ODAM: variants seen among roughly 807,000 people sequenced by gnomAD.
The protein encoded by ODAM is odontogenic, ameloblast associated.
ODAM carries 55 observed loss-of-function variants against 48.5 expected under a neutral mutation model. The ratio of observed to expected loss-of-function variants is 1.13; its 90% CI spans 0.91 to 1.42. ODAM has a LOEUF of 1.42. Among genes scored for constraint, ODAM ranks in the 40% most tolerant of loss-of-function variants. The pLI is 0.00. For missense variants in ODAM, 353 were observed against 323.6 expected (o/e 1.09, Z -0.70); for synonymous variants, 127 against 107.8 (o/e 1.18, Z -1.10).
At chr4:70,197,237 T>C (rs1427930115) in intron 3 of ODAM, 37 bp from the exon 4 acceptor site, 2 of 924,942 alleles carry the variant, frequency 2.2e-6, no homozygotes, top group Admixed American at 3.5e-5. Context: ...TTTTAGTGTG[T>C]AGTAATCTTG....
chr4:70,199,634 T>C (rs1275697150), intron 6 of ODAM, among the ~76,000 whole-genome samples: 1 of 151,900 alleles, frequency 6.6e-6, no homozygotes, highest in Non-Finnish European at 1.5e-5. Context: ...TGTTTGAAAA[T>C]TACAGACGTC....
At chr4:70,200,770 T>C (rs1729478402) in intron 7 of ODAM, among the ~76,000 whole-genome samples, 169 bp downstream of exon 7, 1 of 151,998 alleles carries the variant, frequency 6.6e-6, no homozygotes. Context: ...ATAAATCATT[T>C]GTGTAAACTT....
At chr4:70,203,887 G>A (rs1578239994) in intron 11 of ODAM, among the ~76,000 whole-genome samples, 3 of 152,022 alleles carry the variant, frequency 2.0e-5, no homozygotes, top group South Asian at 2.1e-4. Context: ...TGAGCACGCA[G>A]CATTCTTCAG....
Position 70,198,077 on chromosome 4 carries a change from T to C in ODAM, c.295T>C (p.Phe99Leu), listed in dbSNP as rs767529071. ...GATACCCTTAACAGGAGAGGCCAGT[T>C]TTGCCCAAGGAGCCCAGGCAGGCCA... ...NQIPLTGEASFAQGAQAGQVD... is the reference protein window; with the variant it reads ...NQIPLTGEASLAQGAQAGQVD... The change falls in exon 5 of 12, where the codon TTT becomes CTT. Residue 99 changes from phenylalanine (F) to leucine (L), a missense_variant. Phe to Leu is a conservative substitution (Grantham distance 22, BLOSUM62 0). Transcript: ENST00000683306. 6.2e-6 allele frequency: 10 copies of C among 1,613,298 alleles called. No individual in the cohort carries two copies. The East Asian group carries it at 1.8e-4, about 29-fold the overall frequency.
rs1729474604 is a variant in ODAM, at chr4:70,200,591, A to G, written c.518A>G (p.Tyr173Cys). ...CCTCAACAAACAAGACAGCAACAGT[A>G]TGAGGAGCAGGTACTGCAAATGTTT... ...RSPQQTRQQQYEEQIPFYAQF... is the reference protein window; with the variant it reads ...RSPQQTRQQQCEEQIPFYAQF... The change falls in exon 7 of 12, where the codon TAT becomes TGT. Residue 173 changes from tyrosine to cysteine, a missense_variant. Transcript: ENST00000683306. The G allele has an allele frequency of 1.9e-6, 3 of 1,603,316 alleles. No individual in the cohort carries two copies. Among genetic ancestry groups the G allele is most frequent in the East Asian group, 4.5e-5 (2 of 44,658 alleles).
At chr4:70,200,114 C>A in intron 6 of ODAM, 2 of 445,902 alleles carry the variant, frequency 4.5e-6, no homozygotes, top group Non-Finnish European at 8.9e-6. Context: ...CATCTAATAC[C>A]ACATTCTGCA....
chr4:70,199,185 A>G (rs1729444255), intron 6 of ODAM, among the ~76,000 whole-genome samples: 1 of 151,990 alleles, frequency 6.6e-6, no homozygotes, highest in African/African-American at 2.4e-5. Context: ...ATGAATGCAA[A>G]CTAGTATAAT....
intron 3 of ODAM, 65 bp downstream of exon 3, chr4:70,196,798 AAGTC>A: frequency 1.5e-6 from 2 of 1,321,510 alleles, no homozygotes; most frequent in Non-Finnish European, 2.1e-6. Context: ...GAAGAGATAG[AAGTC>A]GTCATTTAAT....
chr4:70,202,752 G>A lies in ODAM; in HGVS notation c.649-4G>A. On this transcript the variant is annotated splice_polypyrimidine_tract_variant and splice_region_variant and intron_variant, in intron 9 of 11. Transcript: ENST00000683306. Reference sequence around the variant, plus strand: ...AACTTTGTTTTCATTCTCATTCTCTGTAGTCAACAGGAGAAGAGATACCAT... The same window carrying A: ...AACTTTGTTTTCATTCTCATTCTCTATAGTCAACAGGAGAAGAGATACCAT... The A allele has an allele frequency of 4.4e-6, 7 of 1,601,028 alleles. No individual in the cohort carries two copies. The highest frequency in any genetic ancestry group is 6.0e-6 in the Non-Finnish European group (7 of 1,174,144).
At chr4:70,202,387 G>T in intron 9 of ODAM, 58 bp downstream of exon 9, 1 of 1,276,516 alleles carries the variant, frequency 7.8e-7, no homozygotes, top group Non-Finnish European at 1.1e-6. Flanking sequence ...ACAACTTACT[G>T]CACTAATGTT....
intron 1 of ODAM, 98 bp downstream of exon 1, chr4:70,195,891 C>A: frequency 3.1e-6 from 1 of 321,476 alleles, no homozygotes; most frequent in Non-Finnish European, 4.5e-6. Flanking sequence ...TTGATTAGGT[C>A]AATGATTTGA....
intron 6 of ODAM, chr4:70,200,062 T>C (rs1237846940): frequency 7.0e-6 from 3 of 429,434 alleles, no homozygotes; most frequent in South Asian, 5.1e-5. Flanking sequence ...TAGCAATTCT[T>C]AAAGGCAATA....
chr4:70,202,674 A>G, intron 9 of ODAM, 82 bp from the exon 10 acceptor site: 3 of 1,018,114 alleles, frequency 2.9e-6, no homozygotes, highest in East Asian at 4.9e-5. Flanking sequence ...TTACATCTCA[A>G]TCCTGTTGCT....
At chr4:70,197,827 A>C (rs1578236289) in intron 4 of ODAM, 97 bp from the exon 5 acceptor site, 1 of 863,122 alleles carries the variant, frequency 1.2e-6, no homozygotes, top group East Asian at 2.5e-5. Context: ...GGAACTATAG[A>C]AATTGTTTGT....
At chr4:70,197,846 T>C in intron 4 of ODAM, 78 bp from the exon 5 acceptor site, 1 of 1,152,116 alleles carries the variant, frequency 8.7e-7, no homozygotes, top group Non-Finnish European at 1.3e-6. Context: ...GTATTTTGCC[T>C]CTTTCTTGCT....
At chr4:70,200,709 C>T (rs915554085) in intron 7 of ODAM, 108 bp downstream of exon 7, 12 of 631,780 alleles carry the variant, frequency 1.9e-5, no homozygotes, top group Non-Finnish European at 2.7e-5. Context: ...TGCAAACACT[C>T]AACAGCATGA....
chr4:70,200,478 C>T lies in ODAM; in HGVS notation c.424-19C>T, dbSNP rs770162844. ...CTGATTTAATGGAATCTCTTGTATC[C>T]TTCTCTTTTTACAAGTAGATGTTTC... On this transcript the variant is annotated intron_variant, in intron 6 of 11. Transcript: ENST00000683306. 1.5e-6 allele frequency: 2 copies of T among 1,350,492 alleles called. No homozygotes were observed. The highest frequency in any genetic ancestry group is 2.1e-6 in the Non-Finnish European group (2 of 949,082). 83.7% of individuals were successfully genotyped at this position (1,350,492 alleles called of 1,614,324 possible).
In ODAM at chr4:70,203,208, C is replaced by T; in HGVS notation, c.*23C>T. The T allele has an allele frequency of 6.3e-7, 1 of 1,578,842 alleles. No homozygotes were observed. Among genetic ancestry groups the T allele is most frequent in the East Asian group, 2.2e-5 (1 of 44,520 alleles). ...TAAGAAGTTGCCCTGATCATTCAGA[C>T]ATTTTGGTAGGTATTTGCCAAAGTC... On this transcript the variant is annotated 3_prime_UTR_variant, in exon 11 of 12. Coordinates refer to ENST00000683306, the MANE Select transcript of ODAM (RefSeq NM_017855.4).
intron 6 of ODAM, 143 bp from the exon 7 acceptor site, chr4:70,200,354 T>A: frequency 1.9e-6 from 1 of 539,322 alleles, no homozygotes. Context: ...GGGAAGGGAT[T>A]CTTCATCTAT....
Sources: allele counts gnomAD v4.1 joint callset (sites outside exome capture counted in the v4.1 genomes callset), GRCh38; gene constraint gnomAD v4.1.1; transcripts MANE v1.5; gene names NCBI Gene and HGNC (gene_info 2026-07-23, HGNC 2026-07-21).